Variants in CNTNAP2 observed in about 807,000 individuals in gnomAD.
CNTNAP2 encodes contactin associated protein 2.
Under a neutral mutation model 155.2 loss-of-function variants are expected in CNTNAP2, and 98 were observed. The observed-to-expected ratio is 0.63, with a 90% CI of 0.54 to 0.75. The LOEUF is 0.75. Ranked by LOEUF, CNTNAP2 falls within the 30% of genes least tolerant of loss-of-function variation. The pLI is 0.00. For missense variants in CNTNAP2, 1,727 were observed against 1,688.1 expected (o/e 1.02, Z -0.40); for synonymous variants, 651 against 631.2 (o/e 1.03, Z -0.47).
intron 1 of CNTNAP2, among the ~76,000 whole-genome samples, chr7:146,745,786 T>C (rs1185420282): frequency 1.4e-5 from 2 of 142,940 alleles, no homozygotes; most frequent in East Asian, 4.1e-4. Flanking sequence ...AAAAAAGAGG[T>C]CTGTTAAGGG....
chr7:147,824,869 G>A (rs375014048), intron 13 of CNTNAP2, among the ~76,000 whole-genome samples: 16 of 152,052 alleles, frequency 1.1e-4, no homozygotes, highest in Non-Finnish European at 2.9e-5. Context: ...AGTGTGTCAC[G>A]TGATACCATA....
intron 3 of CNTNAP2, among the ~76,000 whole-genome samples, chr7:147,007,119 G>A (rs1013931672): frequency 2.3e-4 from 35 of 152,074 alleles, no homozygotes; most frequent in African/African-American, 8.5e-4. Context: ...CCACTCATGG[G>A]TGTGTTTTTT....
intron 1 of CNTNAP2, among the ~76,000 whole-genome samples, chr7:146,505,231 G>A (rs752710604): frequency 4.6e-5 from 7 of 152,208 alleles, no homozygotes; most frequent in Admixed American, 1.3e-4. Flanking sequence ...GAAGGGTGGT[G>A]CAGATCCAAC....
chr7:147,412,631 T>C (rs1797124077), intron 10 of CNTNAP2, among the ~76,000 whole-genome samples: 2 of 152,202 alleles, frequency 1.3e-5, no homozygotes. Context: ...ATACATTTTT[T>C]ATAGAATGAA....
In CNTNAP2 at chr7:147,226,000, AAAG is replaced by A. The variant is rs1004165162; in HGVS notation, c.1349-74138_1349-74136del. Among the ~76,000 whole-genome samples, 24 of 152,198 alleles carry A rather than the reference AAAG, an allele frequency of 1.6e-4. No individual in the cohort carries two copies. The East Asian group carries it at 4.3e-3, about 27-fold the overall frequency. ...GAAAGAAAGAGAGAAAGAAAGAAAG[AAAG>A]AATGAAAGAAAGAAAGAAAACTAAG... On this transcript the variant is annotated intron_variant, in intron 8 of 23. Transcript: ENST00000361727.
At chr7:146,881,991 T>C (rs1795561759) in intron 3 of CNTNAP2, among the ~76,000 whole-genome samples, 1 of 151,958 alleles carries the variant, frequency 6.6e-6, no homozygotes, top group African/African-American at 2.4e-5. Flanking sequence ...TGGTCTCTAG[T>C]GTCTGTTGTT....
chr7:148,081,259 G>A (rs1477521149), intron 15 of CNTNAP2, among the ~76,000 whole-genome samples: 1 of 152,134 alleles, frequency 6.6e-6, no homozygotes, highest in Non-Finnish European at 1.5e-5. Context: ...AAAGCTTCAT[G>A]GAGGGTGTGA....
chr7:148,281,563 T>C (rs1474814219), intron 21 of CNTNAP2, among the ~76,000 whole-genome samples: 5 of 152,238 alleles, frequency 3.3e-5, no homozygotes, highest in African/African-American at 4.8e-5. Context: ...GTAGTCTTAA[T>C]GTCCAGAATC....
At chr7:147,782,084 G>GGGGC in intron 13 of CNTNAP2, among the ~76,000 whole-genome samples, 1 of 151,710 alleles carries the variant, frequency 6.6e-6, no homozygotes, top group Non-Finnish European at 1.5e-5. Context: ...ATCTCTAAAG[G>GGGGC]GGGCCAGGAT....
chr7:147,800,352 A>G (rs565211944), intron 13 of CNTNAP2, among the ~76,000 whole-genome samples: 17 of 152,294 alleles, frequency 1.1e-4, no homozygotes, highest in African/African-American at 4.1e-4. Flanking sequence ...ACCCAACTGC[A>G]AGGAGGAAAT....
At chr7:147,660,842 T>C (rs1348658124) in intron 13 of CNTNAP2, among the ~76,000 whole-genome samples, 1 of 152,214 alleles carries the variant, frequency 6.6e-6, no homozygotes, top group Non-Finnish European at 1.5e-5. Flanking sequence ...AATCACATTA[T>C]GCCTAATATT....
At chr7:147,708,513 G>A (rs73741882) in intron 13 of CNTNAP2, among the ~76,000 whole-genome samples, 48 of 152,200 alleles carry the variant, frequency 3.2e-4, no homozygotes, top group African/African-American at 1.0e-3. Context: ...GGGGGCAGAG[G>A]GTGTGACTCA....
rs1796741283 is a variant in CNTNAP2 at position 146,930,989 on chromosome 7, A to C, written c.402+91085A>C. 3.3e-5 allele frequency among the ~76,000 whole-genome samples: 5 copies of C among 152,154 alleles called. 1 individual carries two copies. The South Asian group carries it at 1.0e-3, about 31-fold the overall frequency. ...TAGACTCCCACACAATAATAATGGG[A>C]GACTTTAACACCCCACTGTCAACAT... is the stretch of plus-strand genomic sequence containing the variant. On this transcript the variant is annotated intron_variant, in intron 3 of 23. Coordinates refer to ENST00000361727, the MANE Select transcript of CNTNAP2 (RefSeq NM_014141.6).
At chr7:146,136,722 G>A (rs1797803196) in intron 1 of CNTNAP2, among the ~76,000 whole-genome samples, 1 of 152,068 alleles carries the variant, frequency 6.6e-6, no homozygotes, top group South Asian at 2.1e-4. Context: ...CACTAGTTCT[G>A]TAAACGCGGA....
At chr7:148,113,330 G>A (rs1804396922) in intron 15 of CNTNAP2, among the ~76,000 whole-genome samples, 1 of 152,136 alleles carries the variant, frequency 6.6e-6, no homozygotes, top group Admixed American at 6.6e-5. Flanking sequence ...GGAAGGTGCT[G>A]CACACTTTAA....
intron 22 of CNTNAP2, among the ~76,000 whole-genome samples, chr7:148,393,162 A>G (rs1035768015): frequency 2.2e-4 from 34 of 152,150 alleles, no homozygotes; most frequent in African/African-American, 8.2e-4. Context: ...CAAGCTGATC[A>G]TTGGTTTTCT....
chr7:148,117,806 A>C (rs1057127248), intron 15 of CNTNAP2, among the ~76,000 whole-genome samples: 11 of 150,762 alleles, frequency 7.3e-5, no homozygotes, highest in African/African-American at 2.7e-4. Flanking sequence ...AATATTGTTT[A>C]TCATAAATAT....
intron 1 of CNTNAP2, among the ~76,000 whole-genome samples, chr7:146,589,196 A>T (rs1236814497): frequency 1.3e-5 from 2 of 149,856 alleles, no homozygotes; most frequent in Non-Finnish European, 3.0e-5. Context: ...GAGTGTAGGT[A>T]GGCTTACTAT....
chr7:146,129,151 G>A lies in CNTNAP2; in HGVS notation c.97+12178G>A, dbSNP rs73736894. Among the ~76,000 whole-genome samples the A allele has an allele frequency of 4.0e-3, 601 of 152,068 alleles. 2 individuals are homozygous for A. The highest frequency in any genetic ancestry group is 0.014 in the African/African-American group (575 of 41,476). Reference sequence around the variant, plus strand: ...TAATTATTATATGCAATAATCTGAGGCATTTTCGTTTTACAGAGCATATAA... The same window carrying A: ...TAATTATTATATGCAATAATCTGAGACATTTTCGTTTTACAGAGCATATAA... On this transcript the variant is annotated intron_variant, in intron 1 of 23. Transcript: ENST00000361727.
Sources: gnomAD v4.1 joint callset for allele counts (sites outside exome capture counted in the v4.1 genomes callset) on GRCh38, gnomAD v4.1.1 for gene constraint, MANE v1.5 for transcripts, NCBI Gene and HGNC (gene_info 2026-07-23, HGNC 2026-07-21) for gene names.